Variants in IST1 observed in about 807,000 individuals in gnomAD.
The protein encoded by IST1 is IST1 factor associated with ESCRT-III, also known as IST1 homolog.
IST1 carries 23 observed loss-of-function variants against 37.0 expected under a neutral mutation model. The ratio of observed to expected loss-of-function variants is 0.62; its 90% CI spans 0.45 to 0.88. The LOEUF (loss-of-function observed/expected upper bound fraction) is 0.88, where lower values mean the gene tolerates loss of function less well. Among genes scored for constraint, IST1 ranks in the 40% least tolerant of loss-of-function variants. The probability of loss-of-function intolerance (pLI) is 0.00; values close to 1 mark genes in which losing one functional copy is unlikely to be tolerated. For missense variants in IST1, 488 were observed against 445.4 expected (o/e 1.10, Z -0.86); for synonymous variants, 180 against 161.7 (o/e 1.11, Z -0.86).
intron 2 of IST1, 27 bp from the exon 3 acceptor site, chr16:71,916,435 G>A (rs1192505236): frequency 1.2e-6 from 2 of 1,609,006 alleles, no homozygotes; most frequent in Non-Finnish European, 8.5e-7. Context: ...CTACTGCTGT[G>A]AGATCGGAGT....
chr16:71,904,909 A>G (rs773763368), intron 1 of IST1, among the ~76,000 whole-genome samples: 3 of 152,056 alleles, frequency 2.0e-5, no homozygotes, highest in Non-Finnish European at 2.9e-5. Flanking sequence ...GTTTGAGTTT[A>G]GGTCTACATT....
intron 1 of IST1, among the ~76,000 whole-genome samples, chr16:71,900,120 C>T (rs1037249388): frequency 3.3e-5 from 5 of 149,512 alleles, no homozygotes; most frequent in African/African-American, 9.9e-5. Context: ...AGGCTGAAAT[C>T]GCACCATTGC....
At chr16:71,906,892 G>A (rs1023517416) in intron 1 of IST1, among the ~76,000 whole-genome samples, 6 of 151,950 alleles carry the variant, frequency 3.9e-5, no homozygotes, top group South Asian at 2.1e-4. Context: ...AGCTGGGTAC[G>A]GTTGTCTCAT....
chr16:71,896,859 C>T (rs902290069), intron 1 of IST1, among the ~76,000 whole-genome samples: 1 of 151,842 alleles, frequency 6.6e-6, no homozygotes, highest in Non-Finnish European at 1.5e-5. Context: ...CATCTATAGT[C>T]CAGGAGGCTG....
At chr16:71,897,784 A>G (rs1323763145) in intron 1 of IST1, among the ~76,000 whole-genome samples, 2 of 151,796 alleles carry the variant, frequency 1.3e-5, no homozygotes, top group Non-Finnish European at 2.9e-5. Context: ...TGTCTCTACT[A>G]AAAATACAAA....
At chr16:71,924,876 CATT>C in intron 9 of IST1, 59 bp downstream of exon 9, 2 of 1,171,676 alleles carry the variant, frequency 1.7e-6, no homozygotes, top group South Asian at 1.2e-5. Flanking sequence ...GCTGTTTTCT[CATT>C]ATTGTTCCTC....
chr16:71,930,256 A>G lies in IST1; in HGVS notation c.*2443A>G. 5 of 1,382,434 alleles carry G rather than the reference A, an allele frequency of 3.6e-6. No individual in the cohort carries two copies. In the South Asian group the frequency reaches 5.1e-5, roughly 14 times the overall value. 85.6% of individuals were successfully genotyped at this position (1,382,434 alleles called of 1,614,324 possible). ...ACTTTACAAACATAAGCTATATGCT[A>G]GTGTTTGGGATCTTATCAGAAGAAA... On this transcript the variant is annotated 3_prime_UTR_variant, in exon 10 of 10. Transcript: ENST00000378799.
intron 1 of IST1, among the ~76,000 whole-genome samples, chr16:71,902,799 G>T (rs1372099022): frequency 6.6e-6 from 1 of 152,028 alleles, no homozygotes; most frequent in African/African-American, 2.4e-5. Context: ...TTTTCTTTGT[G>T]AGTTTGTTAT....
intron 1 of IST1, among the ~76,000 whole-genome samples, chr16:71,906,616 C>T (rs996344031): frequency 6.6e-6 from 1 of 152,074 alleles, no homozygotes; most frequent in East Asian, 1.9e-4. Context: ...CAGACCTGGC[C>T]CGCAATTCTT....
At chr16:71,918,042 A>G (rs2037503445) in intron 4 of IST1, among the ~76,000 whole-genome samples, 1 of 152,178 alleles carries the variant, frequency 6.6e-6, no homozygotes, top group African/African-American at 2.4e-5. Context: ...TTACTGCCAG[A>G]TGCCTTCATT....
intron 4 of IST1, among the ~76,000 whole-genome samples, chr16:71,919,877 C>G (rs1337447013): frequency 6.6e-6 from 1 of 152,090 alleles, no homozygotes; most frequent in East Asian, 1.9e-4. Flanking sequence ...ATGCTTGTTC[C>G]CCAGTGCCAC....
In IST1 at chr16:71,928,025, A is replaced by C. The variant is rs865860324; in HGVS notation, c.*212A>C. On this transcript the variant is annotated 3_prime_UTR_variant, in exon 10 of 10. Coordinates refer to ENST00000378799, the MANE Select transcript of IST1 (RefSeq NM_001270975.2). Reference sequence around the variant, plus strand: ...ACAATTGGAGACTGAGGCCAGAGCAACTGGCTCCTGGCAGCTGTGCTTGTC... The same window carrying C: ...ACAATTGGAGACTGAGGCCAGAGCACCTGGCTCCTGGCAGCTGTGCTTGTC... The C allele has an allele frequency of 1.9e-6, 1 of 534,298 alleles. No individual in the cohort carries two copies. The highest frequency in any genetic ancestry group is 1.9e-5 in the African/African-American group (1 of 52,286). 33.1% of individuals were successfully genotyped at this position (534,298 alleles called of 1,614,324 possible). A position where few individuals can be genotyped will look rare whatever the true frequency, so the allele number is the denominator to read the frequency against.
chr16:71,907,280 ATT>A (rs769698886), intron 1 of IST1, among the ~76,000 whole-genome samples: 6 of 125,306 alleles, frequency 4.8e-5, no homozygotes, highest in Admixed American at 1.6e-4. Context: ...TCCTTATGGG[ATT>A]TTTTTTTTTT....
At chr16:71,919,254 C>G (rs1392784550) in intron 4 of IST1, among the ~76,000 whole-genome samples, 3 of 152,246 alleles carry the variant, frequency 2.0e-5, no homozygotes, top group Non-Finnish European at 4.4e-5. Flanking sequence ...ACTCCTTGGC[C>G]TCTGCACTAG....
At position 71,900,728 on chromosome 16, in the gene IST1, A is replaced by G. The variant is rs576786108; in HGVS notation, c.-16+5139A>G. ...GGATTGTGGTCACTAGTTCATAACC[A>G]TTTTTTAGAGTTTATGTTATAATTG... On this transcript the variant is annotated intron_variant, in intron 1 of 9. Coordinates refer to ENST00000378799, the MANE Select transcript of IST1 (RefSeq NM_001270975.2). Among the ~76,000 whole-genome samples, 3 of 152,090 alleles carry G rather than the reference A, an allele frequency of 2.0e-5. No homozygotes were observed. In the East Asian group the frequency reaches 5.8e-4, roughly 29 times the overall value.
At chr16:71,920,439 CT>C (rs1312616758) in intron 4 of IST1, among the ~76,000 whole-genome samples, 4 of 152,190 alleles carry the variant, frequency 2.6e-5, no homozygotes, top group African/African-American at 9.7e-5. Flanking sequence ...GAAGAGGAAA[CT>C]TTACTTTGTA....
At chr16:71,914,353 G>T (rs1246166933) in intron 1 of IST1, among the ~76,000 whole-genome samples, 1 of 150,938 alleles carries the variant, frequency 6.6e-6, no homozygotes. Flanking sequence ...GTAGAGATGG[G>T]GTTTCACCAT....
chr16:71,911,377 A>G (rs1185876810), intron 1 of IST1, among the ~76,000 whole-genome samples: 2 of 151,778 alleles, frequency 1.3e-5, no homozygotes, highest in African/African-American at 2.4e-5. Context: ...CTATTGCTAT[A>G]CAAAGTTCAG....
chr16:71,924,128 C>T (rs748639973), intron 8 of IST1: 1 of 455,978 alleles, frequency 2.2e-6, no homozygotes. Flanking sequence ...TTTTCTTATG[C>T]TTTGGTTTTG....
Sources: allele counts gnomAD v4.1 joint callset (sites outside exome capture counted in the v4.1 genomes callset), GRCh38; gene constraint gnomAD v4.1.1; transcripts MANE v1.5; gene names NCBI Gene and HGNC (gene_info 2026-07-23, HGNC 2026-07-21).